The following CALR3 variants were observed in gnomAD, a reference collection of about 807,000 sequenced individuals.
The protein encoded by CALR3 is calreticulin-3.
In CALR3, 39 loss-of-function variants were observed where a neutral mutation model predicts 48.7. The ratio of observed to expected loss-of-function variants is 0.80; its 90% confidence interval spans 0.62 to 1.05. The LOEUF (loss-of-function observed/expected upper bound fraction) is 1.05, where lower values mean the gene tolerates loss of function less well. CALR3 is among the 50% of genes least tolerant of loss of function. The pLI, the probability that CALR3 is intolerant of heterozygous loss-of-function variation, is 0.00. For synonymous variants in CALR3, 185 were observed against 172.7 expected (o/e 1.07, Z -0.56); for missense variants, 449 against 474.7 (o/e 0.95, Z 0.50).
intron 3 of CALR3, among the ~76,000 whole-genome samples, chr19:16,488,950 C>T (rs1209019337): frequency 1.3e-5 from 2 of 152,170 alleles, no homozygotes; most frequent in East Asian, 1.9e-4. Context: ...CTGGTACTGG[C>T]GAGCAGCCAC....
chr19:16,495,600 CAAGGA>C (rs1402201945), intron 2 of CALR3, 146 bp downstream of exon 2: 6 of 446,138 alleles, frequency 1.3e-5, no homozygotes, highest in Non-Finnish European at 2.4e-5. Context: ...AACAAAAAAA[CAAGGA>C]AAGGAGCCCC....
intron 3 of CALR3, among the ~76,000 whole-genome samples, chr19:16,488,109 G>A (rs951419564): frequency 3.3e-5 from 5 of 151,756 alleles, no homozygotes; most frequent in African/African-American, 7.3e-5. Context: ...CACCGCGCCC[G>A]GCTCTAATTT....
intron 7 of CALR3, among the ~76,000 whole-genome samples, chr19:16,481,471 G>GTTTTTTTTTTTTTTTTTTTTTTTTTTTT: frequency 1.3e-5 from 1 of 79,698 alleles, no homozygotes; most frequent in Non-Finnish European, 2.5e-5. Context: ...GTCTCGCTCT[G>GTTTTTTTTTTTTTTTTTTTTTTTTTTTT]TTTTTTTTTT....
rs1339064239 is a variant in CALR3, at chr19:16,479,627, T to C, written c.1012-353A>G. ...AGCAAAAATTAGCTGGGCGTGGTGG[T>C]GTGTGGCTGTAGTCCCAGCTGCTCG... On this transcript the variant is annotated intron_variant, in intron 8 of 8. Transcript: ENST00000269881. Among the ~76,000 whole-genome samples the C allele has an allele frequency of 2.9e-4, 43 of 146,278 alleles. No homozygotes were observed. The Admixed American group carries it at 3.0e-3, about 10-fold the overall frequency.
chr19:16,493,759 G>C (rs1445590562), intron 2 of CALR3, among the ~76,000 whole-genome samples: 1 of 151,686 alleles, frequency 6.6e-6, no homozygotes, highest in African/African-American at 2.4e-5. Flanking sequence ...ACAGAGTCTT[G>C]CTCGGTTATC....
chr19:16,483,916 G>T lies in CALR3; in HGVS notation c.678+14C>A. 6.2e-7 allele frequency: 1 copy of T among 1,613,336 alleles called. No individual in the cohort carries two copies. The highest frequency in any genetic ancestry group is 8.5e-7 in the Non-Finnish European group (1 of 1,179,644). On this transcript the variant is annotated intron_variant, in intron 5 of 8. Transcript: ENST00000269881. The stretch of plus-strand genomic sequence containing the variant: ...TTTGTGCACTTTTTAGAGTTGCCCA[G>T]GAAAAATTCACACCTGGGCTTTGTT...
chr19:16,489,406 A>T (rs1277568124), intron 3 of CALR3, among the ~76,000 whole-genome samples: 2 of 152,032 alleles, frequency 1.3e-5, no homozygotes, highest in African/African-American at 4.8e-5. Context: ...ATCACCTGAG[A>T]TCGGGAGTTC....
rs1490850481 is a variant in CALR3 at position 16,482,533 on chromosome 19, T to A, written c.835A>T (p.Lys279Ter). Reference sequence around the variant, plus strand: ...GTCAAATAGTCGGTATTCTTCATCTTACGGTGGAGCCAGACGTCTTTATGA... The same window carrying A: ...GTCAAATAGTCGGTATTCTTCATCTAACGGTGGAGCCAGACGTCTTTATGA... ...GIHKDVWLHRKMKNTDYLTQY... is the reference protein window; with the variant it reads ...GIHKDVWLHR The change falls in exon 7 of 9, where the codon AAG (lysine) becomes TAG (stop). Residue 279 changes from lysine (K) to a stop codon, truncating the protein, a stop_gained. Transcript: ENST00000269881. LOFTEE classifies it high-confidence loss of function. The A allele has an allele frequency of 6.2e-7, 1 of 1,614,122 alleles. No individual in the cohort carries two copies.
intron 7 of CALR3, among the ~76,000 whole-genome samples, chr19:16,481,157 G>GA (rs903964082): frequency 5.1e-4 from 70 of 138,480 alleles, no homozygotes; most frequent in Non-Finnish European, 5.1e-4. Context: ...CAGTCTCAAA[G>GA]AAAAAAAAAA....
intron 2 of CALR3, among the ~76,000 whole-genome samples, 171 bp downstream of exon 2, chr19:16,495,575 AAAAAG>A (rs1013002909): frequency 1.3e-5 from 2 of 150,212 alleles, no homozygotes; most frequent in African/African-American, 5.0e-5. Flanking sequence ...AAAAAAAAAA[AAAAAG>A]GAGAGAAGAA....
In CALR3 at chr19:16,480,889, T is replaced by C. The variant is rs8111530; in HGVS notation, c.919-183A>G. Among the ~76,000 whole-genome samples the C allele has an allele frequency of 0.89, 135,061 of 151,896 alleles. 60,256 individuals carry two copies. Among genetic ancestry groups the C allele is most frequent in the South Asian group, 0.95 (4,585 of 4,820 alleles). On this transcript the variant is annotated intron_variant, in intron 7 of 8. Coordinates refer to ENST00000269881, the MANE Select transcript of CALR3 (RefSeq NM_145046.5). ...TTCTGGGCTTGGCCAGGCGTGGTGG[T>C]TCACACCTATAATCCCAGCACTTTG...
intron 2 of CALR3, among the ~76,000 whole-genome samples, chr19:16,494,039 G>C (rs2093401977): frequency 6.6e-6 from 1 of 151,850 alleles, no homozygotes; most frequent in Non-Finnish European, 1.5e-5. Flanking sequence ...CAGGCGACAA[G>C]ATGTAATGTT....
chr19:16,488,242 C>A (rs958116603), intron 3 of CALR3, among the ~76,000 whole-genome samples: 3 of 152,180 alleles, frequency 2.0e-5, no homozygotes, highest in Non-Finnish European at 4.4e-5. Context: ...AGCCACCGCA[C>A]AGAGCCCTAA....
At chr19:16,492,788 G>A (rs1240344038) in intron 2 of CALR3, among the ~76,000 whole-genome samples, 1 of 151,756 alleles carries the variant, frequency 6.6e-6, no homozygotes, top group Non-Finnish European at 1.5e-5. Flanking sequence ...CGTGAACCCA[G>A]GAGGCAGAGC....
At chr19:16,494,267 G>A (rs2093402291) in intron 2 of CALR3, among the ~76,000 whole-genome samples, 1 of 152,114 alleles carries the variant, frequency 6.6e-6, no homozygotes, top group African/African-American at 2.4e-5. Context: ...TCACCATGGT[G>A]ACCAGGCTGG....
chr19:16,495,550 C>T (rs1240089333), intron 2 of CALR3, among the ~76,000 whole-genome samples: 1 of 90,222 alleles, frequency 1.1e-5, no homozygotes, highest in Non-Finnish European at 2.0e-5. Flanking sequence ...CAGAGCAAGG[C>T]TCCGTCTCAA....
chr19:16,493,142 T>C (rs1267366825), intron 2 of CALR3, among the ~76,000 whole-genome samples: 9 of 152,240 alleles, frequency 5.9e-5, no homozygotes, highest in South Asian at 2.1e-4. Flanking sequence ...TTCTTCCTCA[T>C]TGTTCTTGTT....
In CALR3 at chr19:16,485,191, T is replaced by C; in HGVS notation, c.464A>G (p.His155Arg). 1.2e-6 allele frequency: 2 copies of C among 1,608,604 alleles called. No homozygotes were observed. Among genetic ancestry groups the C allele is most frequent in the South Asian group, 2.2e-5 (2 of 90,900 alleles). Reference protein sequence around the residue: ...HVILHFKNKYHENKKLIRCKV... With the variant: ...HVILHFKNKYRENKKLIRCKV... Reference sequence around the variant, plus strand: ...ACACCTGATCAGTTTCTTGTTTTCGTGATACTTATTCTTGAAATGTAAAAT... The same window carrying C: ...ACACCTGATCAGTTTCTTGTTTTCGCGATACTTATTCTTGAAATGTAAAAT... The change falls in exon 4 of 9, where the codon CAC becomes CGC. Residue 155 changes from histidine to arginine, a missense_variant. By Grantham distance (29) the His-to-Arg change is conservative. Transcript: ENST00000269881.
At position 16,482,392 on chromosome 19, in the gene CALR3, A is replaced by G. The variant is rs75847259; in HGVS notation, c.918+58T>C. On this transcript the variant is annotated intron_variant, in intron 7 of 8. Transcript: ENST00000269881. ...AGACCCTGTCTCAACAAAACAAAAC[A>G]AAACAAAACAAAACACACACACGCA... 0.68 allele frequency: 1,093,530 copies of G among 1,607,812 alleles called. 375,089 individuals carry two copies. The highest frequency in any genetic ancestry group is 0.76 in the Middle Eastern group (4,342 of 5,728).
Sources: allele counts gnomAD v4.1 joint callset (sites outside exome capture counted in the v4.1 genomes callset), GRCh38; gene constraint gnomAD v4.1.1; transcripts MANE v1.5; gene names NCBI Gene and HGNC (gene_info 2026-07-23, HGNC 2026-07-21).